TNS2: variants seen among roughly 807,000 people sequenced by gnomAD.
TNS2 encodes tensin 2, also known as tensin-2.
A neutral mutation model predicts 155.7 loss-of-function variants in TNS2; 77 were observed. The ratio of observed to expected loss-of-function variants is 0.49; its 90% CI spans 0.41 to 0.60. The LOEUF is 0.60. Among genes scored for constraint, TNS2 ranks in the 20% least tolerant of loss-of-function variants. The pLI is 0.00. For missense variants in TNS2, 1,703 were observed against 1,868.8 expected (o/e 0.91, Z 1.64); for synonymous variants, 726 against 763.9 (o/e 0.95, Z 0.82).
In TNS2 at chr12:53,053,949, GTC is replaced by G; in HGVS notation, c.301-14_301-13del. ...GTACCCAAAGAGATGTCTAGACACT[GTC>G]TGTTAACCACCAGGGATCCACCAAA... On this transcript the variant is annotated splice_polypyrimidine_tract_variant and intron_variant, in intron 5 of 28. Coordinates refer to ENST00000314250, the MANE Select transcript of TNS2 (RefSeq NM_170754.4). 1 of 1,614,182 alleles carries G rather than the reference GTC, an allele frequency of 6.2e-7. No individual in the cohort carries two copies.
Position 53,061,146 on chromosome 12 carries a change from C to A in TNS2, c.3240C>A (p.Pro1080=), listed in dbSNP as rs765217818. 2 of 1,608,798 alleles carry A rather than the reference C, an allele frequency of 1.2e-6. No individual in the cohort carries two copies. Among genetic ancestry groups the A allele is most frequent in the South Asian group, 2.2e-5 (2 of 90,366 alleles). ...CACTTCCTGAGAAACGCCACCTGCC[C>A]GGGCCGGGGCAACAGCCAGGACCCT... ...QPPLPEKRHL[P]GPGQQPGPWG... is the part of the protein sequence containing the mutation. Residue 1080 remains proline, a synonymous_variant, in exon 20 of 29, where the codon CCC becomes CCA. Coordinates refer to ENST00000314250, the MANE Select transcript of TNS2 (RefSeq NM_170754.4).
rs200799024 is a variant in TNS2 at position 53,063,519 on chromosome 12, C to T, written c.4062-44C>T. Reference sequence around the variant, plus strand: ...CCCGGCCCCGGCCCCCCTTCAGCAGCTGTCCCCTGGGGTGTGCATCTTCAC... The same window carrying T: ...CCCGGCCCCGGCCCCCCTTCAGCAGTTGTCCCCTGGGGTGTGCATCTTCAC... On this transcript the variant is annotated intron_variant, in intron 27 of 28. Transcript: ENST00000314250. This position sits in a 1 kb window ranked among gnomAD's most constrained non-coding sequence, Gnocchi z 5.6. 5 of 1,613,084 alleles carry T rather than the reference C, an allele frequency of 3.1e-6. No homozygotes were observed. The highest frequency in any genetic ancestry group is 3.4e-6 in the Non-Finnish European group (4 of 1,179,688).
At chr12:53,052,808 G>A (rs900865655) in intron 3 of TNS2, among the ~76,000 whole-genome samples, 2 of 149,212 alleles carry the variant, frequency 1.3e-5, no homozygotes, top group African/African-American at 4.9e-5. Context: ...TGGGGTGGGT[G>A]GGGAGTGGGG....
chr12:53,056,551 A>G (rs1210252963), intron 10 of TNS2, among the ~76,000 whole-genome samples: 1 of 152,110 alleles, frequency 6.6e-6, no homozygotes, highest in Non-Finnish European at 1.5e-5. Flanking sequence ...GTTTGCAGAC[A>G]CATCACTGTA....
In TNS2 at chr12:53,063,465, A is replaced by G. The variant is rs1944447823; in HGVS notation, c.4061+48A>G. ...TGCCCCAAATCCCCATGGTCCCACC[A>G]GGTCCCAGCTCCCAGCCCCAGCCCC... is the stretch of plus-strand genomic sequence containing the variant. On this transcript the variant is annotated intron_variant, in intron 27 of 28. Transcript: ENST00000314250. The surrounding 1 kb of genome is among the most constrained non-coding windows in gnomAD (Gnocchi z 5.6). 6.2e-7 allele frequency: 1 copy of G among 1,612,628 alleles called. No individual in the cohort carries two copies. Among genetic ancestry groups the G allele is most frequent in the African/African-American group, 1.3e-5 (1 of 74,992 alleles).
chr12:53,049,947 A>C, upstream of TNS2: 20 of 997,012 alleles, frequency 2.0e-5, no homozygotes, highest in South Asian at 3.4e-5. Context: ...GATCCTGGGA[A>C]TCTGATCTCC....
upstream of TNS2, among the ~76,000 whole-genome samples, chr12:53,047,402 G>A (rs1424075731): frequency 2.1e-5 from 3 of 145,850 alleles, no homozygotes; most frequent in African/African-American, 7.4e-5. Context: ...CTGGGCGGGC[G>A]GCGGTCTCTG....
At chr12:53,055,750 A>G (rs1249650228) in intron 9 of TNS2, 31 bp from the exon 10 acceptor site, 3 of 1,614,216 alleles carry the variant, frequency 1.9e-6, no homozygotes, top group Non-Finnish European at 2.5e-6. Context: ...TGGAGCTCCC[A>G]GACCCTCATC....
At chr12:53,047,007 A>G (rs1223826656), upstream of TNS2, 1 of 152,286 alleles carries the variant, frequency 6.6e-6, no homozygotes, top group Non-Finnish European at 1.5e-5. Context: ...TGTCTCCAGT[A>G]TGTCCCTGGC....
chr12:53,058,284 G>A (rs761414422), intron 14 of TNS2, 32 bp from the exon 15 acceptor site: 3 of 1,612,218 alleles, frequency 1.9e-6, no homozygotes, highest in Admixed American at 1.7e-5. Context: ...AGGACATGAG[G>A]CCTGATCCGC....
intron 10 of TNS2, chr12:53,056,489 C>G (rs905325004): frequency 6.5e-6 from 1 of 154,644 alleles, no homozygotes; most frequent in East Asian, 1.9e-4. Flanking sequence ...TGGAATCCTT[C>G]CTTGTCTCTT....
chr12:53,053,251 C>CAG, intron 3 of TNS2, 160 bp from the exon 4 acceptor site: 1 of 791,274 alleles, frequency 1.3e-6, no homozygotes, highest in Non-Finnish European at 2.1e-6. Context: ...ACCAAGAGGC[C>CAG]AGAGGGGAGG....
chr12:53,053,326 C>T (rs957355119), intron 3 of TNS2, 85 bp from the exon 4 acceptor site: 1 of 1,523,800 alleles, frequency 6.6e-7, no homozygotes, highest in Admixed American at 1.7e-5. Flanking sequence ...CTCCACCTTC[C>T]TCCTGAAGCT....
chr12:53,062,831 C>G lies in TNS2; in HGVS notation c.3823+134C>G, dbSNP rs1446455001. ...CCCATGAGGGCAGGGGAGCCCCATA[C>G]TGTCGGGGATGAGGAATTGGGTCCT... is the stretch of plus-strand genomic sequence containing the variant. On this transcript the variant is annotated intron_variant, in intron 25 of 28. Transcript: ENST00000314250. 7.0e-6 allele frequency: 8 copies of G among 1,137,102 alleles called. No homozygotes were observed. In the East Asian group the frequency reaches 2.1e-4, roughly 29 times the overall value. The allele number at this position is 1,137,102 out of a possible 1,614,324, so 70.4% of individuals were successfully genotyped here.
Position 53,060,220 on chromosome 12 carries a change from C to G in TNS2, c.2579C>G (p.Pro860Arg). ...GAGGGAGGGGACAGGTACCCATTGCCTGGGCACCTGGCCTCAGCAGGACCT... is the reference window on the plus strand; with the variant it reads ...GAGGGAGGGGACAGGTACCCATTGCGTGGGCACCTGGCCTCAGCAGGACCT... ...TEEGGDRYPL[P>R]GHLASAGPLA... Residue 860 changes from proline (P) to arginine (R), a missense_variant, in exon 18 of 29, where the codon CCT becomes CGT. Physicochemically the swap from Pro to Arg is moderately radical, Grantham distance 103. Coordinates refer to ENST00000314250, the MANE Select transcript of TNS2 (RefSeq NM_170754.4). The surrounding 1 kb of genome is among the most constrained non-coding windows in gnomAD (Gnocchi z 6.1). 1 of 1,556,778 alleles carries G rather than the reference C, an allele frequency of 6.4e-7. No homozygotes were observed. The highest frequency in any genetic ancestry group is 1.4e-5 in the African/African-American group (1 of 73,886).
intron 8 of TNS2, 112 bp downstream of exon 8, chr12:53,055,348 C>T (rs1045198896): frequency 7.9e-7 from 1 of 1,269,680 alleles, no homozygotes; most frequent in African/African-American, 1.5e-5. Context: ...CTCTTAAGCA[C>T]TTTCCCACTC....
Position 53,058,565 on chromosome 12 carries a change from C to T in TNS2, c.1226-7C>T. 1 of 1,614,072 alleles carries T rather than the reference C, an allele frequency of 6.2e-7. No individual in the cohort carries two copies. The highest frequency in any genetic ancestry group is 8.5e-7 in the Non-Finnish European group (1 of 1,180,004). On this transcript the variant is annotated splice_polypyrimidine_tract_variant and splice_region_variant and intron_variant, in intron 15 of 28. Coordinates refer to ENST00000314250, the MANE Select transcript of TNS2 (RefSeq NM_170754.4). Reference sequence around the variant, plus strand: ...GGGCCTGGTTCTTCACTGTCCACTCCCCATAGATGAGAGGTTCCCCTTCCA... The same window carrying T: ...GGGCCTGGTTCTTCACTGTCCACTCTCCATAGATGAGAGGTTCCCCTTCCA...
intron 4 of TNS2, 52 bp downstream of exon 4, chr12:53,053,501 TC>T: frequency 1.2e-6 from 2 of 1,609,476 alleles, no homozygotes; most frequent in Non-Finnish European, 1.7e-6. Flanking sequence ...GGCCATGGTG[TC>T]CAGAGGTCTG....
At chr12:53,054,522 A>G (rs1305725414) in intron 7 of TNS2, 81 bp downstream of exon 7, 10 of 1,142,666 alleles carry the variant, frequency 8.8e-6, no homozygotes, top group African/African-American at 6.9e-5. Flanking sequence ...TGACGTCACC[A>G]GCGGAGGCGA....
Sources: gnomAD v4.1 joint callset for allele counts (sites outside exome capture counted in the v4.1 genomes callset) on GRCh38, gnomAD v4.1.1 for gene constraint, Gnocchi (gnomAD v3.1) non-coding constraint, MANE v1.5 for transcripts, NCBI Gene and HGNC (gene_info 2026-07-23, HGNC 2026-07-21) for gene names.